Variants in ADRA1B observed in about 807,000 individuals in gnomAD.
ADRA1B encodes the protein adrenoceptor alpha 1B, also known as alpha-1B adrenergic receptor.
A neutral mutation model predicts 17.9 loss-of-function variants in ADRA1B; 17 were observed. The observed-to-expected ratio is 0.95, with a 90% CI of 0.65 to 1.42. The LOEUF (loss-of-function observed/expected upper bound fraction) is 1.42. Ranked by LOEUF, ADRA1B falls within the 40% of genes most tolerant of loss-of-function variation. ADRA1B has a pLI of 0.00. For missense variants in ADRA1B, 681 were observed against 722.1 expected (o/e 0.94, Z 0.65); for synonymous variants, 366 against 327.6 (o/e 1.12, Z -1.27).
intron 1 of ADRA1B, among the ~76,000 whole-genome samples, chr5:159,948,801 T>C (rs894971965): frequency 1.3e-5 from 2 of 152,252 alleles, no homozygotes; most frequent in Non-Finnish European, 2.9e-5. Flanking sequence ...TTATGATAAA[T>C]AATGTGCCAA....
At chr5:159,982,027 GTCTT>G in the ADRA1B span, among the ~76,000 whole-genome samples, 1 of 152,118 alleles carries the variant, frequency 6.6e-6, no homozygotes, top group Non-Finnish European at 1.5e-5. Flanking sequence ...GTTTCCACCT[GTCTT>G]TCTTTCTCGG....
At chr5:159,964,863 G>A (rs1193272319) in intron 1 of ADRA1B, among the ~76,000 whole-genome samples, 1 of 152,156 alleles carries the variant, frequency 6.6e-6, no homozygotes, top group African/African-American at 2.4e-5. Flanking sequence ...CAGTAGCAGC[G>A]CTCAAAGCAG....
intron 1 of ADRA1B, among the ~76,000 whole-genome samples, chr5:159,882,887 T>A (rs1001212470): frequency 2.6e-5 from 4 of 152,078 alleles, no homozygotes; most frequent in Non-Finnish European, 5.9e-5. Context: ...AGAGAGAGAA[T>A]GCTGAGAAGC....
intron 1 of ADRA1B, among the ~76,000 whole-genome samples, chr5:159,943,068 C>A (rs758407534): frequency 6.6e-6 from 1 of 151,790 alleles, no homozygotes; most frequent in Non-Finnish European, 1.5e-5. Context: ...AAAAATTAGC[C>A]GGGCATGGTG....
chr5:159,971,445 G>A (rs532681298), intron 1 of ADRA1B, among the ~76,000 whole-genome samples: 4 of 152,238 alleles, frequency 2.6e-5, no homozygotes, highest in African/African-American at 9.6e-5. Flanking sequence ...TACACCTTCT[G>A]TTTTCCACGG....
chr5:159,879,839 T>G (rs1753836885), intron 1 of ADRA1B, among the ~76,000 whole-genome samples: 1 of 151,932 alleles, frequency 6.6e-6, no homozygotes, highest in South Asian at 2.1e-4. Flanking sequence ...CTACTAAAAA[T>G]ACAAAAATTA....
At chr5:159,896,081 C>G (rs1413461311) in intron 1 of ADRA1B, among the ~76,000 whole-genome samples, 4 of 152,224 alleles carry the variant, frequency 2.6e-5, no homozygotes, top group African/African-American at 9.6e-5. Flanking sequence ...ACCCAGAAAT[C>G]TGGTATCCCC....
intron 1 of ADRA1B, 24 bp from the exon 2 acceptor site, chr5:159,971,855 T>TGGGGGG: frequency 4.6e-6 from 2 of 435,052 alleles, no homozygotes; most frequent in Non-Finnish European, 7.2e-6. Context: ...TTTCTGCCCG[T>TGGGGGG]GCCCACCCCC....
intron 1 of ADRA1B, among the ~76,000 whole-genome samples, chr5:159,881,629 T>C (rs1033110952): frequency 1.3e-5 from 2 of 152,214 alleles, no homozygotes; most frequent in South Asian, 2.1e-4. Flanking sequence ...TGGTACAAAA[T>C]GTGGCTGTAT....
At chr5:159,875,181 G>A (rs917393025) in intron 1 of ADRA1B, among the ~76,000 whole-genome samples, 1 of 152,258 alleles carries the variant, frequency 6.6e-6, no homozygotes, top group East Asian at 1.9e-4. Context: ...AACAACAGTG[G>A]CCTTTTCAGT....
At position 159,887,792 on chromosome 5, in the gene ADRA1B, G is replaced by A. The variant is rs145558444; in HGVS notation, c.-256+22586G>A. ...CATGTGCCAGCCTCTCTGTGTAGAG[G>A]TGGAATATATAGACGTCATCTAATG... On this transcript the variant is annotated intron_variant, in intron 1 of 2. Coordinates refer to the ADRA1B transcript ENST00000641205. 1.2e-3 allele frequency among the ~76,000 whole-genome samples: 190 copies of A among 152,230 alleles called. 1 individual carries two copies. The highest frequency in any genetic ancestry group is 4.4e-3 in the African/African-American group (183 of 41,510).
chr5:159,935,236 G>T (rs1431552200), intron 1 of ADRA1B, among the ~76,000 whole-genome samples: 3 of 152,164 alleles, frequency 2.0e-5, no homozygotes, highest in Admixed American at 2.0e-4. Flanking sequence ...TGCCAGGTAT[G>T]ATGTTCACAT....
intron 1 of ADRA1B, among the ~76,000 whole-genome samples, chr5:159,923,239 A>C (rs1183323980): frequency 4.3e-4 from 66 of 152,292 alleles, no homozygotes; most frequent in Admixed American, 4.3e-3. Context: ...TTTTTATCTT[A>C]AGTGTGTTGG....
chr5:159,889,235 C>G (rs1240350839), intron 1 of ADRA1B, among the ~76,000 whole-genome samples: 2 of 152,140 alleles, frequency 1.3e-5, no homozygotes, highest in Non-Finnish European at 2.9e-5. Context: ...TGAGAATAAA[C>G]AGGGAAGTAG....
In ADRA1B at chr5:159,947,442, C is replaced by T. The variant is rs73317408; in HGVS notation, c.950-24437C>T. 3.4e-3 allele frequency among the ~76,000 whole-genome samples: 514 copies of T among 152,290 alleles called. 4 individuals carry two copies. Among genetic ancestry groups the T allele is most frequent in the African/African-American group, 0.012 (480 of 41,560 alleles). ...GTGGCAGAGCTGAGCTTGCAACTAG[C>T]TCTGTCTGCCACCAAATCCCATGCT... On this transcript the variant is annotated intron_variant, in intron 1 of 1. Transcript: ENST00000306675.
At chr5:159,981,812 A>G in the ADRA1B span, among the ~76,000 whole-genome samples, 1 of 152,134 alleles carries the variant, frequency 6.6e-6, no homozygotes. Context: ...TCACTTTTTT[A>G]AAAGTGCTAA....
intron 1 of ADRA1B, chr5:159,888,210 C>T (rs1267280060): frequency 1.3e-5 from 2 of 152,020 alleles, no homozygotes; most frequent in Non-Finnish European, 2.9e-5. Context: ...TATTCATGAC[C>T]GTCACTGTAA....
At chr5:159,922,226 G>C (rs80119568) in intron 1 of ADRA1B, among the ~76,000 whole-genome samples, 258 of 152,292 alleles carry the variant, frequency 1.7e-3, no homozygotes, top group Non-Finnish European at 2.6e-3. Context: ...TCCTACAGAC[G>C]TTATCTCATT....
intron 1 of ADRA1B, among the ~76,000 whole-genome samples, chr5:159,905,149 T>C (rs1440949227): frequency 6.6e-6 from 1 of 152,218 alleles, no homozygotes. Context: ...ATTTGGGGGT[T>C]GCTGGAAGCA....
Sources: allele counts gnomAD v4.1 joint callset (sites outside exome capture counted in the v4.1 genomes callset), GRCh38; gene constraint gnomAD v4.1.1; transcripts MANE v1.5; gene names NCBI Gene and HGNC (gene_info 2026-07-23, HGNC 2026-07-21).